Variants in WDR7 observed in about 807,000 individuals in gnomAD.
The protein encoded by WDR7 is WD repeat domain 7, also known as WD repeat-containing protein 7.
Under a neutral mutation model 169.4 loss-of-function variants are expected in WDR7, and 46 were observed. The ratio of observed to expected loss-of-function variants is 0.27; its 90% CI spans 0.21 to 0.35. The LOEUF (loss-of-function observed/expected upper bound fraction) is 0.35. Ranked by LOEUF, WDR7 falls within the 10% of genes least tolerant of loss-of-function variation. The pLI is 1.00. For synonymous variants in WDR7, 612 were observed against 666.8 expected, an observed-to-expected ratio of 0.92 and a Z score of 1.27; for missense variants, 1,534 against 1,859.3, an observed-to-expected ratio of 0.83 and a Z score of 3.22.
At chr18:56,960,987 A>C (rs2047330918) in intron 25 of WDR7, among the ~76,000 whole-genome samples, 1 of 152,108 alleles carries the variant, frequency 6.6e-6, no homozygotes, top group South Asian at 2.1e-4. Context: ...AAAGTTAAAA[A>C]AAAAAAATGA....
intron 13 of WDR7, among the ~76,000 whole-genome samples, chr18:56,719,633 T>A (rs2026275948): frequency 6.6e-6 from 1 of 151,864 alleles, no homozygotes; most frequent in Non-Finnish European, 1.5e-5. Context: ...TTGTGTGTCT[T>A]TATGTTATGT....
At chr18:56,655,594 C>G (rs768343215) in intron 1 of WDR7, among the ~76,000 whole-genome samples, 2 of 139,150 alleles carry the variant, frequency 1.4e-5, no homozygotes, top group Non-Finnish European at 3.0e-5. Context: ...GCACTCTAGC[C>G]TGGGACAGAG....
chr18:56,935,761 T>C (rs2046951914), intron 22 of WDR7, 27 bp from the exon 23 acceptor site: 1 of 1,604,308 alleles, frequency 6.2e-7, no homozygotes, highest in Admixed American at 1.7e-5. Context: ...TCTTTTCTTT[T>C]TTTCCCTTTT....
At chr18:56,835,463 T>C (rs1027937740) in intron 20 of WDR7, among the ~76,000 whole-genome samples, 2 of 152,190 alleles carry the variant, frequency 1.3e-5, no homozygotes, top group African/African-American at 4.8e-5. Context: ...GTTGCAGTAA[T>C]TTTGGAAATA....
intron 19 of WDR7, among the ~76,000 whole-genome samples, chr18:56,786,515 G>A (rs1342174924): frequency 6.6e-6 from 1 of 151,500 alleles, no homozygotes; most frequent in East Asian, 1.9e-4. Flanking sequence ...GGTGACAGGA[G>A]CGAGACTCTA....
At chr18:56,762,958 T>TTTTTG (rs2044001525) in intron 16 of WDR7, among the ~76,000 whole-genome samples, 3 of 151,994 alleles carry the variant, frequency 2.0e-5, no homozygotes, top group Non-Finnish European at 4.4e-5. Context: ...TTTGTTTGTT[T>TTTTTG]TTTTGTTTTG....
chr18:56,810,342 C>G (rs1447591554), intron 19 of WDR7, among the ~76,000 whole-genome samples: 1 of 152,024 alleles, frequency 6.6e-6, no homozygotes, highest in Non-Finnish European at 1.5e-5. Context: ...TTACTGTCTT[C>G]CAAAAAGGTT....
intron 20 of WDR7, among the ~76,000 whole-genome samples, chr18:56,850,109 A>G (rs2543160): frequency 0.16 from 24,846 of 152,090 alleles, 2,183 homozygotes; most frequent in African/African-American, 0.23. Context: ...CTGGCTGATG[A>G]TTGAGTCTGA....
intron 24 of WDR7, 86 bp from the exon 25 acceptor site, chr18:56,939,225 G>A: frequency 1.0e-6 from 1 of 959,524 alleles, no homozygotes. Flanking sequence ...GACTTTCTAT[G>A]GGCAAATGAG....
At chr18:56,977,229 G>C (rs58050216) in intron 26 of WDR7, among the ~76,000 whole-genome samples, 3,308 of 152,306 alleles carry the variant, frequency 0.022, 117 homozygotes, top group African/African-American at 0.073. Flanking sequence ...ATTTGAAAGA[G>C]AATTGTTGGC....
chr18:56,729,680 G>A (rs987445526), intron 13 of WDR7, among the ~76,000 whole-genome samples: 3 of 151,948 alleles, frequency 2.0e-5, no homozygotes, highest in Non-Finnish European at 4.4e-5. Context: ...TTTCTATTAC[G>A]ATTAAGACAT....
intron 12 of WDR7, among the ~76,000 whole-genome samples, chr18:56,710,747 A>T (rs1598981282): frequency 6.6e-6 from 1 of 152,316 alleles, no homozygotes; most frequent in South Asian, 2.1e-4. Flanking sequence ...TTGCCAGCAC[A>T]AATGTTAGTT....
chr18:56,747,790 G>C (rs1428610978), intron 14 of WDR7, among the ~76,000 whole-genome samples: 1 of 152,164 alleles, frequency 6.6e-6, no homozygotes, highest in Non-Finnish European at 1.5e-5. Context: ...GGGCCAAGTT[G>C]GATCGTGATG....
chr18:56,776,913 A>C (rs777899608), intron 17 of WDR7, 33 bp downstream of exon 17: 3 of 1,556,014 alleles, frequency 1.9e-6, no homozygotes, highest in Non-Finnish European at 2.7e-6. Flanking sequence ...ACTTTCTCTC[A>C]ATCTGTGCTT....
chr18:56,786,583 C>T (rs2044404575), intron 19 of WDR7, among the ~76,000 whole-genome samples: 1 of 151,458 alleles, frequency 6.6e-6, no homozygotes, highest in Non-Finnish European at 1.5e-5. Context: ...TAATTGAGTA[C>T]TGTGAGAATT....
At chr18:56,863,744 C>T (rs2045842299) in intron 20 of WDR7, among the ~76,000 whole-genome samples, 1 of 151,634 alleles carries the variant, frequency 6.6e-6, no homozygotes, top group South Asian at 2.1e-4. Flanking sequence ...TGACTTTTAG[C>T]TTTACTGTTT....
chr18:56,823,042 A>T (rs1055937337), intron 20 of WDR7, among the ~76,000 whole-genome samples: 2 of 152,204 alleles, frequency 1.3e-5, no homozygotes, highest in Non-Finnish European at 2.9e-5. Flanking sequence ...ACAGTATTTG[A>T]GAAAGTTTTT....
At chr18:56,846,993 T>C (rs1045971887) in intron 20 of WDR7, among the ~76,000 whole-genome samples, 1 of 152,146 alleles carries the variant, frequency 6.6e-6, no homozygotes, top group Non-Finnish European at 1.5e-5. Flanking sequence ...GAAGCAGCTT[T>C]GGAACTGGGT....
In WDR7 at chr18:57,029,676, G is replaced by A. The variant is rs1032533898; in HGVS notation, c.*2469G>A. 3.9e-5 allele frequency: 6 copies of A among 152,118 alleles called. No homozygotes were observed. The highest frequency in any genetic ancestry group is 1.4e-4 in the African/African-American group (6 of 41,380). 9.4% of individuals were successfully genotyped at this position (152,118 alleles called of 1,614,324 possible). ...GATGATTGAACTCCCTGTGTACAGCGAGTGAATTAAAATGTCTGCCTCTCC... is the reference window on the plus strand; with the variant it reads ...GATGATTGAACTCCCTGTGTACAGCAAGTGAATTAAAATGTCTGCCTCTCC... On this transcript the variant is annotated 3_prime_UTR_variant, in exon 28 of 28. Coordinates refer to ENST00000254442, the MANE Select transcript of WDR7 (RefSeq NM_015285.3).
Sources: gnomAD v4.1 joint callset for allele counts (sites outside exome capture counted in the v4.1 genomes callset) on GRCh38, gnomAD v4.1.1 for gene constraint, MANE v1.5 for transcripts, NCBI Gene and HGNC (gene_info 2026-07-23, HGNC 2026-07-21) for gene names.